B3GALT1: variants seen among roughly 807,000 people sequenced by gnomAD.
B3GALT1 encodes UDP-Gal:betaGlcNAc beta 1,3-galactosyltransferase, polypeptide 1.
Under a neutral mutation model 23.2 loss-of-function variants are expected in B3GALT1, and 10 were observed. That is an observed-to-expected ratio of 0.43 (90% CI 0.27 to 0.73). The LOEUF (loss-of-function observed/expected upper bound fraction) is 0.73, where lower values mean the gene tolerates loss of function less well. B3GALT1 is among the 30% of genes least tolerant of loss of function. The pLI, the probability that B3GALT1 is intolerant of heterozygous loss-of-function variation, is 0.21. For synonymous variants in B3GALT1, 156 were observed against 141.5 expected, an observed-to-expected ratio of 1.10 and a Z score of -0.73; for missense variants, 299 against 405.4, an observed-to-expected ratio of 0.74 and a Z score of 2.25.
At chr2:167,343,302 A>C (rs1224887096) in intron 1 of B3GALT1, among the ~76,000 whole-genome samples, 1 of 152,214 alleles carries the variant, frequency 6.6e-6, no homozygotes, top group Non-Finnish European at 1.5e-5. Context: ...AAATTTTAGG[A>C]AGATGTTTAT....
At chr2:167,381,451 T>C (rs570260606) in intron 1 of B3GALT1, among the ~76,000 whole-genome samples, 1 of 152,350 alleles carries the variant, frequency 6.6e-6, no homozygotes, top group African/African-American at 2.4e-5. Flanking sequence ...CTTGGTTGCA[T>C]GTTAGAATCA....
At chr2:167,555,993 G>A (rs1683842215) in intron 2 of B3GALT1, among the ~76,000 whole-genome samples, 3 of 152,228 alleles carry the variant, frequency 2.0e-5, no homozygotes, top group Admixed American at 1.3e-4. Flanking sequence ...TATGAATTAT[G>A]CCAATGGGAT....
At chr2:167,526,929 G>T (rs937638265) in intron 2 of B3GALT1, among the ~76,000 whole-genome samples, 2 of 151,780 alleles carry the variant, frequency 1.3e-5, no homozygotes, top group Non-Finnish European at 2.9e-5. Flanking sequence ...CTACGTATTT[G>T]AATGCAGATT....
intron 1 of B3GALT1, among the ~76,000 whole-genome samples, chr2:167,413,729 G>A (rs1403620879): frequency 1.3e-5 from 2 of 151,582 alleles, no homozygotes; most frequent in East Asian, 3.9e-4. Flanking sequence ...TAATATCATA[G>A]TTTCCATGTC....
chr2:167,400,890 C>T (rs527276043), intron 1 of B3GALT1, among the ~76,000 whole-genome samples: 21 of 152,080 alleles, frequency 1.4e-4, no homozygotes, highest in Non-Finnish European at 2.9e-4. Flanking sequence ...TAAACTTCCA[C>T]AGACAAGAAT....
chr2:167,671,285 G>A (rs1257591155), intron 3 of B3GALT1, among the ~76,000 whole-genome samples: 3 of 152,100 alleles, frequency 2.0e-5, no homozygotes, highest in African/African-American at 7.2e-5. Flanking sequence ...GAAACAGTGG[G>A]AGGAATAACA....
intron 1 of B3GALT1, among the ~76,000 whole-genome samples, chr2:167,299,361 A>G (rs1696410047): frequency 6.6e-6 from 1 of 152,226 alleles, no homozygotes; most frequent in African/African-American, 2.4e-5. Flanking sequence ...GGCTTTGTGA[A>G]TAGGGCATAT....
At chr2:167,819,122 C>T (rs1689057062) in intron 4 of B3GALT1, among the ~76,000 whole-genome samples, 1 of 152,172 alleles carries the variant, frequency 6.6e-6, no homozygotes, top group East Asian at 1.9e-4. Flanking sequence ...TTAAAAAATT[C>T]ATACTTACAA....
chr2:167,721,189 T>C (rs1687227338), intron 3 of B3GALT1, among the ~76,000 whole-genome samples: 1 of 152,212 alleles, frequency 6.6e-6, no homozygotes, highest in African/African-American at 2.4e-5. Flanking sequence ...GTTTATGTGC[T>C]AAAGCAAATA....
chr2:167,672,472 T>G (rs897373374), intron 3 of B3GALT1, among the ~76,000 whole-genome samples: 8 of 152,120 alleles, frequency 5.3e-5, no homozygotes, highest in African/African-American at 1.9e-4. Flanking sequence ...TCTACATGAC[T>G]CAACATGAGA....
intron 1 of B3GALT1, among the ~76,000 whole-genome samples, chr2:167,417,371 C>T (rs958973806): frequency 2.0e-5 from 3 of 152,178 alleles, no homozygotes; most frequent in African/African-American, 7.2e-5. Context: ...CACCTTGGGA[C>T]TCTGCCCAGT....
At chr2:167,387,470 CA>C (rs1192030889) in intron 1 of B3GALT1, among the ~76,000 whole-genome samples, 1 of 152,062 alleles carries the variant, frequency 6.6e-6, no homozygotes, top group African/African-American at 2.4e-5. Flanking sequence ...CATTCAACTG[CA>C]AAATATCTTA....
chr2:167,850,350 C>T (rs1488134977), intron 4 of B3GALT1, among the ~76,000 whole-genome samples: 1 of 152,136 alleles, frequency 6.6e-6, no homozygotes, highest in Non-Finnish European at 1.5e-5. Context: ...TGTCATACTA[C>T]CTTACCTCTG....
intron 1 of B3GALT1, among the ~76,000 whole-genome samples, chr2:167,452,585 C>T (rs1699107170): frequency 6.6e-6 from 1 of 152,178 alleles, no homozygotes; most frequent in South Asian, 2.1e-4. Flanking sequence ...ATCCATTTCC[C>T]TTGAAGAGTC....
At chr2:167,577,397 A>G (rs760897442) in intron 2 of B3GALT1, among the ~76,000 whole-genome samples, 9 of 151,918 alleles carry the variant, frequency 5.9e-5, no homozygotes, top group Non-Finnish European at 1.3e-4. Flanking sequence ...TCATTTATCA[A>G]GTGGAAAGAT....
At chr2:167,564,829 A>G (rs527304023) in intron 2 of B3GALT1, among the ~76,000 whole-genome samples, 13 of 152,232 alleles carry the variant, frequency 8.5e-5, no homozygotes, top group African/African-American at 2.4e-4. Context: ...AAGGAGAACT[A>G]CAGACCACTG....
At chr2:167,553,864 T>C (rs1294127133) in intron 2 of B3GALT1, among the ~76,000 whole-genome samples, 2 of 152,138 alleles carry the variant, frequency 1.3e-5, no homozygotes, top group African/African-American at 2.4e-5. Flanking sequence ...TTGCAATCAC[T>C]TTTCCCAGTG....
At chr2:167,409,914 A>G (rs1698364265) in intron 1 of B3GALT1, among the ~76,000 whole-genome samples, 2 of 152,078 alleles carry the variant, frequency 1.3e-5, no homozygotes, top group South Asian at 2.1e-4. Context: ...TGACCCAGCA[A>G]TCCCGTTACT....
At chr2:167,348,065 T>C (rs975768885) in intron 1 of B3GALT1, among the ~76,000 whole-genome samples, 3 of 152,202 alleles carry the variant, frequency 2.0e-5, no homozygotes, top group African/African-American at 7.2e-5. Flanking sequence ...CTGTGAAATA[T>C]TAGTCATTTC....
Sources: gnomAD v4.1 joint callset for allele counts (sites outside exome capture counted in the v4.1 genomes callset) on GRCh38, gnomAD v4.1.1 for gene constraint, MANE v1.5 for transcripts, NCBI Gene and HGNC (gene_info 2026-07-23, HGNC 2026-07-21) for gene names.